The following LRBA variants were observed in gnomAD, a reference collection of about 807,000 sequenced individuals.
LRBA encodes the protein lipopolysaccharide-responsive and beige-like anchor protein.
In LRBA, 176 loss-of-function variants were observed where a neutral mutation model predicts 330.0. The observed-to-expected ratio is 0.53, with a 90% CI of 0.47 to 0.60. LRBA has a LOEUF of 0.60. Ranked by LOEUF, LRBA falls within the 20% of genes least tolerant of loss-of-function variation. The pLI is 0.00. For synonymous variants in LRBA, 1,230 were observed against 1,193.0 expected (o/e 1.03, Z -0.64); for missense variants, 3,259 against 3,444.8 (o/e 0.95, Z 1.35).
chr4:150,380,060 T>G (rs990838065), intron 47 of LRBA, among the ~76,000 whole-genome samples: 1 of 143,200 alleles, frequency 7.0e-6, no homozygotes, highest in South Asian at 2.2e-4. Flanking sequence ...ACACTTGTAA[T>G]CCCACCTACT....
chr4:150,432,043 G>A (rs1750453794), intron 46 of LRBA, among the ~76,000 whole-genome samples: 1 of 151,694 alleles, frequency 6.6e-6, no homozygotes. Context: ...TAAGAAATAG[G>A]GATTTTAAGA....
At chr4:150,479,094 G>C (rs1041648394) in intron 42 of LRBA, among the ~76,000 whole-genome samples, 1 of 151,928 alleles carries the variant, frequency 6.6e-6, no homozygotes, top group African/African-American at 2.4e-5. Flanking sequence ...GATCAGCCTG[G>C]ACAATGGAGC....
intron 37 of LRBA, among the ~76,000 whole-genome samples, chr4:150,671,000 ATGTGTGTGTGTGTGTGTGTG>A (rs57937053): frequency 9.4e-6 from 1 of 106,886 alleles, no homozygotes; most frequent in African/African-American, 3.9e-5. Context: ...AACATAGCTG[ATGTGTGTGTGTGTGTGTGTG>A]TGTGTGTGTG....
chr4:150,788,415 T>C, intron 34 of LRBA, among the ~76,000 whole-genome samples: 1 of 151,978 alleles, frequency 6.6e-6, no homozygotes, highest in East Asian at 1.9e-4. Flanking sequence ...GATCTTAATA[T>C]ACCCATTTCA....
At chr4:150,702,702 G>T (rs1464418581) in intron 36 of LRBA, among the ~76,000 whole-genome samples, 1 of 151,934 alleles carries the variant, frequency 6.6e-6, no homozygotes, top group Non-Finnish European at 1.5e-5. Context: ...CTGCAAAAAC[G>T]ATTTTACAAC....
chr4:150,370,814 C>T (rs575357518), intron 47 of LRBA, among the ~76,000 whole-genome samples: 5 of 152,266 alleles, frequency 3.3e-5, no homozygotes, highest in African/African-American at 9.6e-5. Flanking sequence ...CTCAAATTTT[C>T]TGTAAGACTA....
chr4:150,797,969 A>G (rs1037600316), intron 34 of LRBA, 112 bp downstream of exon 34: 5 of 656,762 alleles, frequency 7.6e-6, no homozygotes, highest in Non-Finnish European at 1.3e-5. Flanking sequence ...AAAACAGCAA[A>G]CTCACAATTT....
At chr4:150,397,649 A>G (rs1271423271) in intron 47 of LRBA, among the ~76,000 whole-genome samples, 1 of 152,230 alleles carries the variant, frequency 6.6e-6, no homozygotes, top group Non-Finnish European at 1.5e-5. Flanking sequence ...ATGCAGTAGT[A>G]TAATTTTATC....
chr4:150,316,685 G>T (rs1731768836), intron 50 of LRBA, among the ~76,000 whole-genome samples: 2 of 152,136 alleles, frequency 1.3e-5, no homozygotes, highest in African/African-American at 4.8e-5. Context: ...GTGGGCTAGG[G>T]GAGGTCCCCA....
intron 17 of LRBA, among the ~76,000 whole-genome samples, chr4:150,884,207 GTGGCAGACT>G (rs1335341858): frequency 2.6e-5 from 4 of 152,178 alleles, no homozygotes; most frequent in Non-Finnish European, 5.9e-5. Context: ...CCAGCTAAAA[GTGGCAGACT>G]TGGTTACGAA....
chr4:150,717,701 A>AATAATAATCATCATCATC (rs890794296), intron 36 of LRBA, among the ~76,000 whole-genome samples: 1 of 148,048 alleles, frequency 6.8e-6, no homozygotes, highest in African/African-American at 2.5e-5. Flanking sequence ...TAATAATAAT[A>AATAATAATCATCATCATC]ATCAGTGCTT....
At chr4:150,912,611 G>A (rs1031143125) in intron 9 of LRBA, among the ~76,000 whole-genome samples, 13 of 152,022 alleles carry the variant, frequency 8.6e-5, no homozygotes, top group African/African-American at 2.7e-4. Flanking sequence ...TCCCTGCTGC[G>A]CCCCCACCAC....
chr4:150,661,649 C>T (rs936918271), intron 37 of LRBA, among the ~76,000 whole-genome samples: 1 of 151,908 alleles, frequency 6.6e-6, no homozygotes, highest in Non-Finnish European at 1.5e-5. Flanking sequence ...CTCACTCTAT[C>T]GCCCAGGCTG....
intron 36 of LRBA, among the ~76,000 whole-genome samples, chr4:150,688,363 C>A (rs967521424): frequency 6.6e-6 from 1 of 152,068 alleles, no homozygotes; most frequent in Non-Finnish European, 1.5e-5. Context: ...AGAAGAAAAC[C>A]TAGGCAATGC....
At chr4:150,833,030 C>T (rs1747431993) in intron 28 of LRBA, among the ~76,000 whole-genome samples, 1 of 152,058 alleles carries the variant, frequency 6.6e-6, no homozygotes, top group Non-Finnish European at 1.5e-5. Context: ...CCTGCCTTAG[C>T]CTCCCAAAGC....
intron 36 of LRBA, among the ~76,000 whole-genome samples, chr4:150,704,142 G>A (rs762451454): frequency 6.6e-6 from 1 of 152,030 alleles, no homozygotes; most frequent in African/African-American, 2.4e-5. Context: ...TGGGCCCAGG[G>A]GTTTGAGGCT....
At chr4:150,330,819 T>G (rs548738857) in intron 48 of LRBA, among the ~76,000 whole-genome samples, 5 of 152,224 alleles carry the variant, frequency 3.3e-5, no homozygotes. Flanking sequence ...CACATAGTAT[T>G]TAGACAACAA....
At chr4:150,860,840 C>T (rs1751829002) in intron 22 of LRBA, among the ~76,000 whole-genome samples, 1 of 151,720 alleles carries the variant, frequency 6.6e-6, no homozygotes, top group Non-Finnish European at 1.5e-5. Context: ...AATATATAAA[C>T]TAAACAAAAC....
rs1334457767 is a variant in LRBA, at chr4:150,930,903, G to A, written c.217-1838C>T. Among the ~76,000 whole-genome samples, 6 of 152,156 alleles carry A rather than the reference G, an allele frequency of 3.9e-5. No individual in the cohort carries two copies. In the East Asian group the frequency reaches 7.7e-4, roughly 20 times the overall value. On this transcript the variant is annotated intron_variant, in intron 2 of 56. Coordinates refer to ENST00000651943, the MANE Select transcript of LRBA (RefSeq NM_001364905.1). ...ATGGAGTCAATTCTCCTAGTTACAT[G>A]GCCGTAGCTAAAAAGTATACGTGCT...
Sources: gnomAD v4.1 joint callset for allele counts (sites outside exome capture counted in the v4.1 genomes callset) on GRCh38, gnomAD v4.1.1 for gene constraint, MANE v1.5 for transcripts, NCBI Gene and HGNC (gene_info 2026-07-23, HGNC 2026-07-21) for gene names.